The following GPC6 variants were observed in gnomAD, a reference collection of about 807,000 sequenced individuals.
GPC6 encodes glypican-6.
A neutral mutation model predicts 55.2 loss-of-function variants in GPC6; 14 were observed. The ratio of observed to expected loss-of-function variants is 0.25; its 90% CI spans 0.17 to 0.40. The LOEUF is 0.40. Among genes scored for constraint, GPC6 ranks in the 10% least tolerant of loss-of-function variants. The probability of loss-of-function intolerance (pLI) is 1.00; values close to 1 mark genes in which losing one functional copy is unlikely to be tolerated. For missense variants in GPC6, 641 were observed against 708.5 expected (o/e 0.90, Z 1.08); for synonymous variants, 278 against 259.6 (o/e 1.07, Z -0.68).
intron 4 of GPC6, among the ~76,000 whole-genome samples, chr13:94,233,026 A>G (rs1364415013): frequency 6.8e-6 from 1 of 147,368 alleles, no homozygotes; most frequent in Non-Finnish European, 1.5e-5. Context: ...GGGACCAGGA[A>G]ACATGGAACT....
intron 1 of GPC6, among the ~76,000 whole-genome samples, chr13:93,410,096 G>C (rs1876440258): frequency 1.3e-5 from 2 of 152,144 alleles, no homozygotes; most frequent in Admixed American, 1.3e-4. Flanking sequence ...ATTGAGTCCA[G>C]CTCAGGGATT....
At chr13:94,007,237 T>G (rs1345089054) in intron 3 of GPC6, among the ~76,000 whole-genome samples, 1 of 152,192 alleles carries the variant, frequency 6.6e-6, no homozygotes, top group Non-Finnish European at 1.5e-5. Context: ...AGATCACTCA[T>G]TAATTCATTG....
chr13:94,131,957 G>C (rs1887017899), intron 4 of GPC6, among the ~76,000 whole-genome samples: 1 of 152,144 alleles, frequency 6.6e-6, no homozygotes. Flanking sequence ...GTGCACATGA[G>C]GCAGAGAGAG....
chr13:93,692,819 T>C (rs1424424684), intron 2 of GPC6, among the ~76,000 whole-genome samples: 1 of 152,110 alleles, frequency 6.6e-6, no homozygotes, highest in Non-Finnish European at 1.5e-5. Flanking sequence ...ACACATAAAA[T>C]TTCTCTTCTT....
chr13:93,567,263 G>C (rs1277778733), intron 2 of GPC6, among the ~76,000 whole-genome samples: 1 of 152,146 alleles, frequency 6.6e-6, no homozygotes, highest in African/African-American at 2.4e-5. Flanking sequence ...AATGAAGATG[G>C]AGTGACTACC....
intron 4 of GPC6, 52 bp downstream of exon 4, chr13:94,027,946 T>C (rs780057058): frequency 6.7e-7 from 1 of 1,498,666 alleles, no homozygotes; most frequent in Admixed American, 1.7e-5. Flanking sequence ...ACAGCAAGTG[T>C]TTATGGGGCT....
chr13:93,826,583 C>G (rs1207652541), intron 2 of GPC6, among the ~76,000 whole-genome samples: 1 of 152,170 alleles, frequency 6.6e-6, no homozygotes, highest in Non-Finnish European at 1.5e-5. Context: ...TAATCCAGCA[C>G]AGAACATGTT....
chr13:94,094,932 G>A (rs536422667), intron 4 of GPC6, among the ~76,000 whole-genome samples: 84 of 152,010 alleles, frequency 5.5e-4, no homozygotes, highest in African/African-American at 1.7e-3. Flanking sequence ...TTAGTATGTC[G>A]TAAATATTGC....
Position 93,830,013 on chromosome 13 carries a change from T to G in GPC6, c.320-141T>G, listed in dbSNP as rs949139558. On this transcript the variant is annotated intron_variant, in intron 2 of 8. Transcript: ENST00000377047. ...TCAAATCCCATTTAAAATATGTTTT[T>G]TATCTGTCCATTAACACCTTAATCA... The G allele has an allele frequency of 8.4e-6, 5 of 593,260 alleles. No homozygotes were observed. In the Admixed American group the frequency reaches 1.5e-4, roughly 18 times the overall value. 36.7% of individuals were successfully genotyped at this position (593,260 alleles called of 1,614,324 possible). A position where few individuals can be genotyped will look rare whatever the true frequency, so the allele number is the denominator to read the frequency against.
At chr13:93,556,045 G>A (rs989543691) in intron 2 of GPC6, among the ~76,000 whole-genome samples, 8 of 152,216 alleles carry the variant, frequency 5.3e-5, no homozygotes, top group East Asian at 1.9e-4. Context: ...CCTGTTGCCC[G>A]TCAAATAATG....
intron 4 of GPC6, among the ~76,000 whole-genome samples, chr13:94,153,428 A>G (rs1330791590): frequency 6.6e-6 from 1 of 152,136 alleles, no homozygotes; most frequent in Non-Finnish European, 1.5e-5. Context: ...AACACAAAGT[A>G]TGATAAATAG....
chr13:93,262,026 G>A (rs531826107), intron 1 of GPC6, among the ~76,000 whole-genome samples: 1 of 151,860 alleles, frequency 6.6e-6, no homozygotes, highest in South Asian at 2.1e-4. Flanking sequence ...TGATGTTGGA[G>A]TCAAGATACA....
intron 2 of GPC6, among the ~76,000 whole-genome samples, chr13:93,727,852 CCCTTCTGTGAACTCGCTG>C (rs746659382): frequency 1.8e-4 from 27 of 152,086 alleles, no homozygotes; most frequent in Non-Finnish European, 3.2e-4. Flanking sequence ...TACAAAGCCT[CCCTTCTGTGAACTCGCTG>C]CTAAACATTC....
At chr13:94,120,629 C>T (rs1404739701) in intron 4 of GPC6, among the ~76,000 whole-genome samples, 1 of 151,900 alleles carries the variant, frequency 6.6e-6, no homozygotes, top group African/African-American at 2.4e-5. Context: ...CTTTGTGAAC[C>T]ACAGAATTGA....
In GPC6 at chr13:93,944,007, A is replaced by G. The variant is rs960584178; in HGVS notation, c.712-83722A>G. Among the ~76,000 whole-genome samples the G allele has an allele frequency of 3.9e-5, 6 of 152,106 alleles. No individual in the cohort carries two copies. The South Asian group carries it at 6.2e-4, about 16-fold the overall frequency. ...ACTCTCCCATCACTCAGCATCCCCTATCTGGGGGGTTCTCTGAAGCACCTG... is the reference window on the plus strand; with the variant it reads ...ACTCTCCCATCACTCAGCATCCCCTGTCTGGGGGGTTCTCTGAAGCACCTG... On this transcript the variant is annotated intron_variant, in intron 3 of 8. Transcript: ENST00000377047.
At chr13:93,714,755 G>C (rs560720255) in intron 2 of GPC6, among the ~76,000 whole-genome samples, 2 of 151,752 alleles carry the variant, frequency 1.3e-5, no homozygotes, top group Non-Finnish European at 3.0e-5. Context: ...GAGCAAGGCA[G>C]TCTCAGAGAG....
intron 1 of GPC6, among the ~76,000 whole-genome samples, chr13:93,518,779 A>G (rs1400129223): frequency 2.0e-5 from 3 of 152,022 alleles, no homozygotes; most frequent in Non-Finnish European, 4.4e-5. Context: ...ATTTAAAAGC[A>G]CTTTGTTTCC....
At chr13:94,067,076 T>C (rs1355091466) in intron 4 of GPC6, among the ~76,000 whole-genome samples, 1 of 152,194 alleles carries the variant, frequency 6.6e-6, no homozygotes, top group Non-Finnish European at 1.5e-5. Flanking sequence ...ATAAGTAAGT[T>C]TAGGTCACTA....
At chr13:94,098,203 A>G (rs1885733904) in intron 4 of GPC6, among the ~76,000 whole-genome samples, 1 of 152,208 alleles carries the variant, frequency 6.6e-6, no homozygotes, top group Admixed American at 6.5e-5. Flanking sequence ...TTCTTGTTTC[A>G]TAGCTTTGGC....
Sources: gnomAD v4.1 joint callset for allele counts (sites outside exome capture counted in the v4.1 genomes callset) on GRCh38, gnomAD v4.1.1 for gene constraint, MANE v1.5 for transcripts, NCBI Gene and HGNC (gene_info 2026-07-23, HGNC 2026-07-21) for gene names.